Variants in GLE1 observed in about 807,000 individuals in gnomAD.
GLE1 encodes GLE1 RNA export mediator.
A neutral mutation model predicts 97.3 loss-of-function variants in GLE1; 78 were observed. The observed-to-expected ratio is 0.80, with a 90% CI of 0.67 to 0.97. The LOEUF (loss-of-function observed/expected upper bound fraction) is 0.97. Among genes scored for constraint, GLE1 ranks in the 50% least tolerant of loss-of-function variants. The probability of loss-of-function intolerance (pLI) is 0.00; values close to 1 mark genes in which losing one functional copy is unlikely to be tolerated. For missense variants in GLE1, 753 were observed against 857.5 expected (o/e 0.88, Z 1.52); for synonymous variants, 302 against 313.4 (o/e 0.96, Z 0.39).
chr9:128,529,872 G>A (rs903156952), intron 9 of GLE1, among the ~76,000 whole-genome samples: 1 of 151,960 alleles, frequency 6.6e-6, no homozygotes, highest in Non-Finnish European at 1.5e-5. Flanking sequence ...CACCTCCCGG[G>A]TTCACGCCAT....
chr9:128,511,659 T>C (rs1846827883), intron 2 of GLE1, among the ~76,000 whole-genome samples: 2 of 150,672 alleles, frequency 1.3e-5, no homozygotes, highest in Non-Finnish European at 3.0e-5. Flanking sequence ...TGAGCTGAGA[T>C]TGCGCCACTG....
chr9:128,541,345 A>G lies in GLE1; in HGVS notation c.*175A>G. ...TTTTCATGGGTCACAAAATTCTTGGAGGTCCCTTAGTAGATTTGGTAGTTC... is the reference window on the plus strand; with the variant it reads ...TTTTCATGGGTCACAAAATTCTTGGGGGTCCCTTAGTAGATTTGGTAGTTC... On this transcript the variant is annotated 3_prime_UTR_variant, in exon 16 of 16. Coordinates refer to ENST00000309971, the MANE Select transcript of GLE1 (RefSeq NM_001003722.2). 1.6e-6 allele frequency: 1 copy of G among 621,142 alleles called. No individual in the cohort carries two copies. The highest frequency in any genetic ancestry group is 2.9e-6 in the Non-Finnish European group (1 of 347,010). The allele number at this position is 621,142 out of a possible 1,614,324, so 38.5% of individuals were successfully genotyped here.
chr9:128,505,892 A>C (rs1395185800), intron 1 of GLE1, among the ~76,000 whole-genome samples: 1 of 152,142 alleles, frequency 6.6e-6, no homozygotes, highest in Non-Finnish European at 1.5e-5. Flanking sequence ...ACGTTGCCAG[A>C]TCCTGTTTCT....
chr9:128,541,874 AC>A lies in GLE1; in HGVS notation c.*706del, dbSNP rs1447634407. 1 of 152,184 alleles carries A rather than the reference AC, an allele frequency of 6.6e-6. No homozygotes were observed. The highest frequency in any genetic ancestry group is 2.4e-5 in the African/African-American group (1 of 41,428). The allele number at this position is 152,184 out of a possible 1,614,324, so 9.4% of individuals were successfully genotyped here. A position where few individuals can be genotyped will look rare whatever the true frequency, so the allele number is the denominator to read the frequency against. On this transcript the variant is annotated 3_prime_UTR_variant, in exon 16 of 16. Transcript: ENST00000309971. ...CTAGGGATCCATGAACCAGGCAGGTACCTTTTTTGTTTTTGTTTTGTTTTGT... is the reference window on the plus strand; with the variant it reads ...CTAGGGATCCATGAACCAGGCAGGTACTTTTTTGTTTTTGTTTTGTTTTGT...
intron 9 of GLE1, among the ~76,000 whole-genome samples, chr9:128,528,185 T>G (rs548457731): frequency 6.6e-6 from 1 of 151,656 alleles, no homozygotes; most frequent in African/African-American, 2.4e-5. Context: ...TTTGTATTTT[T>G]AGTAGAGACG....
chr9:128,515,723 G>A (rs979756393), intron 3 of GLE1, 84 bp downstream of exon 3: 10 of 751,264 alleles, frequency 1.3e-5, no homozygotes, highest in Non-Finnish European at 2.4e-5. Context: ...AATGGGCACT[G>A]TATGCTACTC....
intron 4 of GLE1, 141 bp downstream of exon 4, chr9:128,522,957 T>A: frequency 9.5e-7 from 1 of 1,058,184 alleles, no homozygotes; most frequent in Non-Finnish European, 1.4e-6. Context: ...TTTTATAACC[T>A]GGAAAAAAGA....
Position 128,515,572 on chromosome 9 carries a change from C to T in GLE1, c.365C>T (p.Ser122Phe). Residue 122 changes from serine to phenylalanine, a missense_variant, in exon 3 of 16, where the codon TCC becomes TTC. Coordinates refer to ENST00000309971, the MANE Select transcript of GLE1 (RefSeq NM_001003722.2). Reference protein sequence around the residue: ...SQHTESMVLQSSRGIKVEGCV... With the variant: ...SQHTESMVLQFSRGIKVEGCV... Reference sequence around the variant, plus strand: ...CACACAGAATCTATGGTACTTCAGTCCTCACGGGGGATCAAAGTGGAAGGC... The same window carrying T: ...CACACAGAATCTATGGTACTTCAGTTCTCACGGGGGATCAAAGTGGAAGGC... 1 of 1,608,270 alleles carries T rather than the reference C, an allele frequency of 6.2e-7. No homozygotes were observed. The highest frequency in any genetic ancestry group is 8.5e-7 in the Non-Finnish European group (1 of 1,174,690).
rs1331183040 is a variant in GLE1, at chr9:128,523,625, C to A, written c.676C>A (p.Gln226Lys). 2.5e-6 allele frequency: 4 copies of A among 1,614,112 alleles called. No individual in the cohort carries two copies. In the Admixed American group the frequency reaches 6.7e-5, roughly 27 times the overall value. ...LNLKLREAEQQRVKQAEQERL... is the reference protein window; with the variant it reads ...LNLKLREAEQKRVKQAEQERL... ...CCTGAAGCTGCGGGAAGCAGAGCAG[C>A]AGCGCGTGAAGCAAGCAGAACAGGA... The change falls in exon 6 of 16, where the codon CAG becomes AAG. Residue 226 changes from glutamine (Q) to lysine (K), a missense_variant. Physicochemically the swap from Gln to Lys is moderately conservative, Grantham distance 53. Coordinates refer to ENST00000309971, the MANE Select transcript of GLE1 (RefSeq NM_001003722.2).
intron 3 of GLE1, among the ~76,000 whole-genome samples, chr9:128,517,026 A>G (rs1324285971): frequency 6.6e-6 from 1 of 151,998 alleles, no homozygotes; most frequent in Admixed American, 6.6e-5. Context: ...ACGGAGGCTC[A>G]TGCCCGTAAT....
At chr9:128,537,818 A>G (rs1012636733) in intron 12 of GLE1, among the ~76,000 whole-genome samples, 168 bp from the exon 13 acceptor site, 2 of 152,214 alleles carry the variant, frequency 1.3e-5, no homozygotes, top group East Asian at 1.9e-4. Flanking sequence ...TCAAAAAAAT[A>G]AAAGAAAAAC....
At chr9:128,520,432 A>C (rs1847120519) in intron 3 of GLE1, among the ~76,000 whole-genome samples, 1 of 148,184 alleles carries the variant, frequency 6.7e-6, no homozygotes, top group Non-Finnish European at 1.5e-5. Context: ...ATATATGTAT[A>C]TATATGTATA....
At chr9:128,527,994 T>C (rs1022570271) in intron 9 of GLE1, among the ~76,000 whole-genome samples, 1 of 130,956 alleles carries the variant, frequency 7.6e-6, no homozygotes, top group Non-Finnish European at 1.6e-5. Context: ...CTTTTTTTTT[T>C]CTTTTTTTCT....
At chr9:128,526,587 G>A (rs1457703712) in intron 7 of GLE1, among the ~76,000 whole-genome samples, 1 of 152,016 alleles carries the variant, frequency 6.6e-6, no homozygotes, top group Non-Finnish European at 1.5e-5. Context: ...TCGAACTCCC[G>A]ACCTCAGGTG....
chr9:128,506,872 G>T (rs1244635793), intron 1 of GLE1, among the ~76,000 whole-genome samples: 1 of 152,080 alleles, frequency 6.6e-6, no homozygotes, highest in East Asian at 1.9e-4. Context: ...ATGTTACCTA[G>T]CAGTGAGAAG....
intron 13 of GLE1, among the ~76,000 whole-genome samples, chr9:128,538,943 TC>T: frequency 6.6e-6 from 1 of 152,224 alleles, no homozygotes; most frequent in African/African-American, 2.4e-5. Flanking sequence ...TGCCAATAGT[TC>T]CTAGTTACCT....
chr9:128,520,959 T>C (rs1383179436), intron 3 of GLE1, among the ~76,000 whole-genome samples: 1 of 151,716 alleles, frequency 6.6e-6, no homozygotes, highest in Non-Finnish European at 1.5e-5. Flanking sequence ...GACGGGGGTC[T>C]CTCTGTTGCC....
intron 3 of GLE1, among the ~76,000 whole-genome samples, chr9:128,520,669 C>T (rs1236910451): frequency 6.6e-6 from 1 of 151,578 alleles, no homozygotes; most frequent in Non-Finnish European, 1.5e-5. Context: ...TCCCGTGAGG[C>T]ATCGTCTGCT....
intron 7 of GLE1, among the ~76,000 whole-genome samples, chr9:128,526,109 C>A (rs1408547677): frequency 6.6e-6 from 1 of 151,252 alleles, no homozygotes; most frequent in Non-Finnish European, 1.5e-5. Context: ...GCAACCTCTG[C>A]CTCCCGGGTT....
Sources: allele counts gnomAD v4.1 joint callset (sites outside exome capture counted in the v4.1 genomes callset), GRCh38; gene constraint gnomAD v4.1.1; transcripts MANE v1.5; gene names NCBI Gene and HGNC (gene_info 2026-07-23, HGNC 2026-07-21).